The following ARHGAP15 variants were observed in gnomAD, a reference collection of about 807,000 sequenced individuals.
The protein encoded by ARHGAP15 is Rho GTPase activating protein 15.
A neutral mutation model predicts 63.7 loss-of-function variants in ARHGAP15; 51 were observed. The ratio of observed to expected loss-of-function variants is 0.80; its 90% CI spans 0.64 to 1.01. ARHGAP15 has a LOEUF of 1.01. ARHGAP15 is among the 50% of genes least tolerant of loss of function. The pLI, the probability that ARHGAP15 is intolerant of heterozygous loss-of-function variation, is 0.00. For missense variants in ARHGAP15, 560 were observed against 564.6 expected (o/e 0.99, Z 0.08); for synonymous variants, 191 against 193.8 (o/e 0.99, Z 0.12).
chr2:143,760,104 C>A (rs936335994), intron 13 of ARHGAP15, among the ~76,000 whole-genome samples: 1 of 152,002 alleles, frequency 6.6e-6, no homozygotes, highest in Non-Finnish European at 1.5e-5. Context: ...TTGCACTATC[C>A]CTAATATCCA....
intron 8 of ARHGAP15, among the ~76,000 whole-genome samples, chr2:143,486,084 A>T (rs1019462121): frequency 6.6e-6 from 1 of 152,182 alleles, no homozygotes; most frequent in African/African-American, 2.4e-5. Context: ...TTTCTTTGCC[A>T]GTTATAGAGA....
At chr2:143,324,193 AAGG>A (rs1684154061) in intron 6 of ARHGAP15, among the ~76,000 whole-genome samples, 1 of 152,194 alleles carries the variant, frequency 6.6e-6, no homozygotes, top group African/African-American at 2.4e-5. Context: ...ACAAAACTAC[AAGG>A]AGAACAAAGA....
chr2:143,517,561 C>A (rs1344900914), intron 9 of ARHGAP15, among the ~76,000 whole-genome samples: 1 of 152,166 alleles, frequency 6.6e-6, no homozygotes, highest in Admixed American at 6.5e-5. Context: ...CCAACACTGT[C>A]TAGGTACTCA....
intron 2 of ARHGAP15, among the ~76,000 whole-genome samples, chr2:143,182,608 G>A (rs76591036): frequency 7.2e-4 from 109 of 152,172 alleles, no homozygotes; most frequent in South Asian, 2.5e-3. Flanking sequence ...CCTTGCTGCC[G>A]TTCACCAGCA....
At chr2:143,518,299 A>T (rs1330184797) in intron 9 of ARHGAP15, among the ~76,000 whole-genome samples, 1 of 152,212 alleles carries the variant, frequency 6.6e-6, no homozygotes, top group Non-Finnish European at 1.5e-5. Flanking sequence ...CTGCTTTGAG[A>T]GAATCTATTC....
intron 1 of ARHGAP15, among the ~76,000 whole-genome samples, chr2:143,148,355 G>A (rs1024238346): frequency 6.6e-6 from 1 of 151,998 alleles, no homozygotes; most frequent in Non-Finnish European, 1.5e-5. Context: ...CAGAACCTGT[G>A]GGATGTGGCA....
intron 13 of ARHGAP15, among the ~76,000 whole-genome samples, chr2:143,746,111 C>T (rs547611759): frequency 6.6e-6 from 1 of 152,282 alleles, no homozygotes; most frequent in Admixed American, 6.5e-5. Context: ...ACATTCTCTT[C>T]TGTATATATT....
intron 10 of ARHGAP15, among the ~76,000 whole-genome samples, chr2:143,539,296 G>A (rs1039710486): frequency 2.6e-5 from 4 of 152,022 alleles, no homozygotes; most frequent in Admixed American, 1.3e-4. Flanking sequence ...CTTGCTAGCG[G>A]TCTATCAGTT....
At chr2:143,352,018 T>A (rs955708902) in intron 6 of ARHGAP15, among the ~76,000 whole-genome samples, 3 of 152,150 alleles carry the variant, frequency 2.0e-5, no homozygotes, top group Admixed American at 6.5e-5. Context: ...GAAACAGACA[T>A]CATTCATCAA....
chr2:143,600,969 A>G (rs905792666), intron 11 of ARHGAP15, among the ~76,000 whole-genome samples: 5 of 152,172 alleles, frequency 3.3e-5, no homozygotes, highest in Non-Finnish European at 7.3e-5. Flanking sequence ...AATATGACCT[A>G]TTTTTAAAGT....
At chr2:143,642,547 G>T (rs535588061) in intron 12 of ARHGAP15, among the ~76,000 whole-genome samples, 22 of 152,238 alleles carry the variant, frequency 1.4e-4, no homozygotes, top group Admixed American at 1.2e-3. Context: ...GAGGAGAGCA[G>T]CTCTTCCTAC....
chr2:143,555,456 T>C (rs1328417086), intron 10 of ARHGAP15, among the ~76,000 whole-genome samples: 1 of 152,178 alleles, frequency 6.6e-6, no homozygotes, highest in African/African-American at 2.4e-5. Flanking sequence ...AGAATATACA[T>C]TCTTGACATT....
intron 3 of ARHGAP15, among the ~76,000 whole-genome samples, chr2:143,209,881 T>C (rs1692500549): frequency 6.6e-6 from 1 of 152,050 alleles, no homozygotes; most frequent in Non-Finnish European, 1.5e-5. Context: ...CAGAAGCCAT[T>C]GAAACACAGA....
intron 13 of ARHGAP15, chr2:143,741,439 T>TC (rs768551344): frequency 6.6e-6 from 1 of 152,016 alleles, no homozygotes; most frequent in African/African-American, 2.4e-5. Flanking sequence ...CTATATGTGA[T>TC]CCCCCCAAAA....
chr2:143,570,313 A>G (rs1383155770), intron 11 of ARHGAP15, among the ~76,000 whole-genome samples: 1 of 152,198 alleles, frequency 6.6e-6, no homozygotes, highest in Non-Finnish European at 1.5e-5. Flanking sequence ...ATCACTCCTC[A>G]TTTTAAATCC....
At chr2:143,318,961 T>C (rs779786026) in intron 6 of ARHGAP15, among the ~76,000 whole-genome samples, 34 of 152,166 alleles carry the variant, frequency 2.2e-4, no homozygotes, top group Admixed American at 3.9e-4. Flanking sequence ...AAATATCTTA[T>C]AGCAATGAAC....
intron 12 of ARHGAP15, among the ~76,000 whole-genome samples, chr2:143,660,359 C>T (rs532782819): frequency 1.3e-4 from 20 of 152,148 alleles, no homozygotes; most frequent in Admixed American, 3.3e-4. Context: ...TTGTTTTTGC[C>T]GATACTGCTT....
intron 10 of ARHGAP15, among the ~76,000 whole-genome samples, chr2:143,543,296 T>C (rs1430374360): frequency 6.6e-6 from 1 of 152,198 alleles, no homozygotes; most frequent in Non-Finnish European, 1.5e-5. Context: ...TGATGATTAG[T>C]GATGTTGAGC....
intron 10 of ARHGAP15, among the ~76,000 whole-genome samples, chr2:143,528,287 G>A (rs989873489): frequency 2.0e-5 from 3 of 151,980 alleles, no homozygotes; most frequent in Non-Finnish European, 4.4e-5. Context: ...AGCAAGTTAA[G>A]CCCCACATCT....
Sources: gnomAD v4.1 joint callset for allele counts (sites outside exome capture counted in the v4.1 genomes callset) on GRCh38, gnomAD v4.1.1 for gene constraint, MANE v1.5 for transcripts, NCBI Gene and HGNC (gene_info 2026-07-23, HGNC 2026-07-21) for gene names.